The following SRBD1 variants were observed in gnomAD, a reference collection of about 807,000 sequenced individuals.
SRBD1 encodes the protein S1 RNA-binding domain-containing protein 1.
In SRBD1, 88 loss-of-function variants were observed where a neutral mutation model predicts 115.3. The ratio of observed to expected loss-of-function variants is 0.76; its 90% CI spans 0.64 to 0.91. SRBD1 has a LOEUF of 0.91. Among genes scored for constraint, SRBD1 ranks in the 40% least tolerant of loss-of-function variants. The pLI is 0.00. For missense variants in SRBD1, 1,385 were observed against 1,177.4 expected (o/e 1.18, Z -2.58); for synonymous variants, 509 against 407.7 (o/e 1.25, Z -2.99).
chr2:45,421,829 A>G (rs2103642227), intron 16 of SRBD1, among the ~76,000 whole-genome samples: 1 of 152,300 alleles, frequency 6.6e-6, no homozygotes. Flanking sequence ...TATTTCAGAG[A>G]TAACTTATTG....
At chr2:45,513,786 GT>G (rs34065242) in intron 14 of SRBD1, among the ~76,000 whole-genome samples, 37,806 of 151,454 alleles carry the variant, frequency 0.25, 5,067 homozygotes, top group African/African-American at 0.33. Context: ...GTTCAAAACA[GT>G]TTTTTTTTGT....
At chr2:45,519,822 A>G (rs1671227400) in intron 14 of SRBD1, among the ~76,000 whole-genome samples, 1 of 152,198 alleles carries the variant, frequency 6.6e-6, no homozygotes, top group South Asian at 2.1e-4. Context: ...AAGTACTCGC[A>G]TATGTTAACT....
Position 45,418,358 on chromosome 2 carries a change from T to A in SRBD1, c.2333+7A>T. On this transcript the variant is annotated splice_region_variant and intron_variant, in intron 18 of 20. Transcript: ENST00000263736. Reference sequence around the variant, plus strand: ...ACAATAGAATCAAAGTGTATACTTATACTCACCTGCAAAACGTTCGGATAT... The same window carrying A: ...ACAATAGAATCAAAGTGTATACTTAAACTCACCTGCAAAACGTTCGGATAT... 1.9e-6 allele frequency: 3 copies of A among 1,613,418 alleles called. No homozygotes were observed. The highest frequency in any genetic ancestry group is 8.5e-7 in the Non-Finnish European group (1 of 1,179,692).
intron 4 of SRBD1, among the ~76,000 whole-genome samples, chr2:45,595,509 G>A (rs1673867287): frequency 6.6e-6 from 1 of 152,164 alleles, no homozygotes; most frequent in Admixed American, 6.6e-5. Flanking sequence ...TGTTGAGTCT[G>A]ATCCTTATCC....
intron 4 of SRBD1, among the ~76,000 whole-genome samples, chr2:45,593,323 T>C (rs1461985482): frequency 6.6e-6 from 1 of 152,142 alleles, no homozygotes; most frequent in African/African-American, 2.4e-5. Flanking sequence ...ATATAACCTC[T>C]TCAAAAATTC....
chr2:45,526,798 G>A (rs1275466188), intron 14 of SRBD1, among the ~76,000 whole-genome samples: 1 of 151,720 alleles, frequency 6.6e-6, no homozygotes, highest in African/African-American at 2.4e-5. Flanking sequence ...TAATCTTAAG[G>A]AAGAAAAATC....
At chr2:45,522,791 C>G (rs145458454) in intron 14 of SRBD1, among the ~76,000 whole-genome samples, 100 of 152,108 alleles carry the variant, frequency 6.6e-4, no homozygotes, top group African/African-American at 2.3e-3. Context: ...ATTTTCTTTT[C>G]TCTGGCTTAC....
At chr2:45,414,245 A>T (rs535414403) in intron 18 of SRBD1, among the ~76,000 whole-genome samples, 1 of 152,296 alleles carries the variant, frequency 6.6e-6, no homozygotes, top group Admixed American at 6.5e-5. Context: ...GGACTTAAGT[A>T]TAACCCATAC....
intron 18 of SRBD1, among the ~76,000 whole-genome samples, chr2:45,416,379 G>T (rs1667832661): frequency 6.6e-6 from 1 of 152,136 alleles, no homozygotes; most frequent in African/African-American, 2.4e-5. Context: ...TTCATGAGAT[G>T]TAACAGTCAC....
At chr2:45,418,329 G>A in intron 18 of SRBD1, 36 bp downstream of exon 18, 3 of 1,598,704 alleles carry the variant, frequency 1.9e-6, no homozygotes, top group East Asian at 2.2e-5. Context: ...AAGAGAGGAG[G>A]TTGACAATAG....
chr2:45,491,754 C>A (rs997743484), intron 14 of SRBD1, among the ~76,000 whole-genome samples: 9 of 152,150 alleles, frequency 5.9e-5, no homozygotes, highest in Non-Finnish European at 1.0e-4. Context: ...AAAGTACCTA[C>A]AATATCAACG....
chr2:45,514,319 G>C (rs1671057869), intron 14 of SRBD1, among the ~76,000 whole-genome samples: 1 of 152,050 alleles, frequency 6.6e-6, no homozygotes, highest in South Asian at 2.1e-4. Flanking sequence ...AAGCAAATAA[G>C]TAGGGGCCAT....
intron 16 of SRBD1, among the ~76,000 whole-genome samples, chr2:45,465,429 CACACACAG>C (rs957079720): frequency 3.9e-5 from 6 of 151,914 alleles, no homozygotes; most frequent in African/African-American, 1.5e-4. Flanking sequence ...TATATAAATG[CACACACAG>C]ACACACGAAT....
chr2:45,445,839 C>G (rs192560469), intron 16 of SRBD1, among the ~76,000 whole-genome samples: 1 of 152,242 alleles, frequency 6.6e-6, no homozygotes, highest in Admixed American at 6.5e-5. Flanking sequence ...TAAAGTTCAA[C>G]AAAAATGGAA....
intron 14 of SRBD1, among the ~76,000 whole-genome samples, chr2:45,519,676 T>C (rs1671222733): frequency 6.6e-6 from 1 of 152,206 alleles, no homozygotes. Flanking sequence ...GGCACATACA[T>C]TATGTGATTT....
chr2:45,589,524 G>C (rs1359460075), intron 4 of SRBD1, among the ~76,000 whole-genome samples: 1 of 152,180 alleles, frequency 6.6e-6, no homozygotes, highest in Non-Finnish European at 1.5e-5. Flanking sequence ...GTGATTGTTA[G>C]AGCAATCCAT....
chr2:45,556,941 A>G (rs1460611681), intron 10 of SRBD1, among the ~76,000 whole-genome samples: 1 of 152,104 alleles, frequency 6.6e-6, no homozygotes, highest in Admixed American at 6.5e-5. Context: ...TGCTGCTGTT[A>G]TTATTAATAT....
intron 19 of SRBD1, among the ~76,000 whole-genome samples, chr2:45,406,237 G>A (rs979853830): frequency 2.0e-5 from 3 of 152,136 alleles, no homozygotes; most frequent in Non-Finnish European, 2.9e-5. Flanking sequence ...ACATGGAGGA[G>A]CAGTGTAGGG....
chr2:45,561,224 T>C lies in SRBD1; in HGVS notation c.1409+1429A>G, dbSNP rs1036211745. Among the ~76,000 whole-genome samples, 4 of 152,400 alleles carry C rather than the reference T, an allele frequency of 2.6e-5. No individual in the cohort carries two copies. The South Asian group carries it at 8.3e-4, about 32-fold the overall frequency. ...AAATGCTAATTGTAAATTGTCTTTTTAACTTAGTAAGACATGTTCATATTT... is the reference window on the plus strand; with the variant it reads ...AAATGCTAATTGTAAATTGTCTTTTCAACTTAGTAAGACATGTTCATATTT... On this transcript the variant is annotated intron_variant, in intron 10 of 20. Transcript: ENST00000263736.
Sources: gnomAD v4.1 joint callset for allele counts (sites outside exome capture counted in the v4.1 genomes callset) on GRCh38, gnomAD v4.1.1 for gene constraint, MANE v1.5 for transcripts, NCBI Gene and HGNC (gene_info 2026-07-23, HGNC 2026-07-21) for gene names.